The following GPATCH2 variants were observed in gnomAD, a reference collection of about 807,000 sequenced individuals.
GPATCH2 encodes G-patch domain containing 2, also known as G patch domain-containing protein 2.
GPATCH2 carries 51 observed loss-of-function variants against 58.0 expected under a neutral mutation model. The ratio of observed to expected loss-of-function variants is 0.88; its 90% CI spans 0.70 to 1.11. The LOEUF (loss-of-function observed/expected upper bound fraction) is 1.11, where lower values mean the gene tolerates loss of function less well. Ranked by LOEUF, GPATCH2 falls within the 50% of genes most tolerant of loss-of-function variation. The pLI, the probability that GPATCH2 is intolerant of heterozygous loss-of-function variation, is 0.00. For missense variants in GPATCH2, 625 were observed against 652.2 expected, an observed-to-expected ratio of 0.96 and a Z score of 0.45; for synonymous variants, 222 against 218.5, an observed-to-expected ratio of 1.02 and a Z score of -0.14.
At chr1:217,469,831 T>G (rs1002578190) in intron 8 of GPATCH2, among the ~76,000 whole-genome samples, 1 of 152,006 alleles carries the variant, frequency 6.6e-6, no homozygotes, top group Admixed American at 6.6e-5. Flanking sequence ...ATTTAATAGG[T>G]TTTTTCCTGA....
intron 5 of GPATCH2, among the ~76,000 whole-genome samples, chr1:217,539,186 C>T (rs935688798): frequency 5.3e-5 from 8 of 151,878 alleles, no homozygotes; most frequent in Non-Finnish European, 1.2e-4. Flanking sequence ...CAAGTATGAG[C>T]TCGATTCTAA....
intron 5 of GPATCH2, among the ~76,000 whole-genome samples, chr1:217,570,624 T>G (rs906010219): frequency 2.0e-5 from 3 of 152,142 alleles, no homozygotes; most frequent in Admixed American, 6.5e-5. Context: ...AGCTATAAAA[T>G]TTCAAGACAC....
chr1:217,605,284 A>C (rs1306425654), intron 5 of GPATCH2, among the ~76,000 whole-genome samples: 1 of 152,210 alleles, frequency 6.6e-6, no homozygotes, highest in Non-Finnish European at 1.5e-5. Context: ...TATTGTGTTC[A>C]GGGTTTTTGT....
intron 9 of GPATCH2, among the ~76,000 whole-genome samples, chr1:217,445,874 C>G (rs976565600): frequency 6.6e-5 from 10 of 152,106 alleles, no homozygotes; most frequent in African/African-American, 2.4e-4. Flanking sequence ...ATTTTCAATA[C>G]ACTAGCAGGT....
At chr1:217,571,678 G>T (rs1255196929) in intron 5 of GPATCH2, among the ~76,000 whole-genome samples, 1 of 88,884 alleles carries the variant, frequency 1.1e-5, no homozygotes, top group Non-Finnish European at 2.3e-5. Context: ...ACAAAAATTC[G>T]CCCAGCGAAG....
At chr1:217,452,516 T>C (rs1420541296) in intron 8 of GPATCH2, among the ~76,000 whole-genome samples, 1 of 152,216 alleles carries the variant, frequency 6.6e-6, no homozygotes, top group Admixed American at 6.5e-5. Flanking sequence ...ACTAGTTATA[T>C]GTAATTGGAG....
chr1:217,459,660 C>A (rs956465933), intron 8 of GPATCH2, among the ~76,000 whole-genome samples: 4 of 152,176 alleles, frequency 2.6e-5, no homozygotes, highest in Non-Finnish European at 5.9e-5. Context: ...ATCCCACACT[C>A]TCTCTTTGAT....
At chr1:217,446,297 T>C (rs549402757) in intron 9 of GPATCH2, among the ~76,000 whole-genome samples, 1 of 152,256 alleles carries the variant, frequency 6.6e-6, no homozygotes, top group African/African-American at 2.4e-5. Flanking sequence ...AAGAATATTG[T>C]CCTTAGCTAA....
At chr1:217,526,680 T>C (rs757346998) in intron 5 of GPATCH2, among the ~76,000 whole-genome samples, 9 of 152,216 alleles carry the variant, frequency 5.9e-5, no homozygotes, top group Non-Finnish European at 1.0e-4. Context: ...GAAATACTTA[T>C]TAGCTTTACC....
chr1:217,573,825 C>A (rs1666678264), intron 5 of GPATCH2, among the ~76,000 whole-genome samples: 1 of 152,122 alleles, frequency 6.6e-6, no homozygotes, highest in African/African-American at 2.4e-5. Flanking sequence ...GCTAGATGTC[C>A]TTTTCAGAAT....
intron 3 of GPATCH2, among the ~76,000 whole-genome samples, 196 bp from the exon 4 acceptor site, chr1:217,611,267 A>G (rs1553353249): frequency 6.6e-6 from 1 of 152,174 alleles, no homozygotes; most frequent in Non-Finnish European, 1.5e-5. Flanking sequence ...TGCATGGGAC[A>G]TACCTGTACT....
At chr1:217,435,497 G>C (rs1266811934) in intron 9 of GPATCH2, among the ~76,000 whole-genome samples, 1 of 152,166 alleles carries the variant, frequency 6.6e-6, no homozygotes, top group East Asian at 1.9e-4. Context: ...ATTGATGTTG[G>C]ATAAACAGCC....
intron 1 of GPATCH2, among the ~76,000 whole-genome samples, chr1:217,630,679 A>T (rs2102866957): frequency 6.6e-6 from 1 of 152,360 alleles, no homozygotes; most frequent in South Asian, 2.1e-4. Flanking sequence ...CTTGACTTCT[A>T]AAATATTGTT....
chr1:217,507,490 T>C lies in GPATCH2; in HGVS notation c.1166+7332A>G, dbSNP rs926911781. Among the ~76,000 whole-genome samples the C allele has an allele frequency of 2.6e-5, 4 of 152,308 alleles. No individual in the cohort carries two copies. The East Asian group carries it at 7.7e-4, about 29-fold the overall frequency. ...CAGGCTCTGGAACTTACTGGTTAGG[T>C]GAATTCTGACAAATTATTTTATTTT... is the stretch of plus-strand genomic sequence containing the variant. On this transcript the variant is annotated intron_variant, in intron 6 of 9. Coordinates refer to ENST00000366935, the MANE Select transcript of GPATCH2 (RefSeq NM_018040.5).
At chr1:217,569,692 C>T (rs1386064614) in intron 5 of GPATCH2, among the ~76,000 whole-genome samples, 1 of 151,744 alleles carries the variant, frequency 6.6e-6, no homozygotes, top group Non-Finnish European at 1.5e-5. Flanking sequence ...CAAAACTCCG[C>T]CTCAAAAATA....
intron 5 of GPATCH2, among the ~76,000 whole-genome samples, chr1:217,573,680 G>A (rs1439315237): frequency 2.0e-5 from 3 of 152,166 alleles, no homozygotes; most frequent in South Asian, 2.1e-4. Context: ...AACTTTACGA[G>A]TCAGATATTA....
intron 5 of GPATCH2, among the ~76,000 whole-genome samples, chr1:217,551,772 C>T (rs926177751): frequency 1.2e-4 from 18 of 152,064 alleles, no homozygotes; most frequent in African/African-American, 4.3e-4. Flanking sequence ...AAGTACTTAT[C>T]GTTAACCCAG....
At chr1:217,486,276 A>C (rs1198613143) in intron 8 of GPATCH2, among the ~76,000 whole-genome samples, 3 of 152,200 alleles carry the variant, frequency 2.0e-5, no homozygotes, top group Non-Finnish European at 2.9e-5. Flanking sequence ...ATTTTGATTA[A>C]TATTTATCAT....
chr1:217,455,861 G>A (rs1659918094), intron 8 of GPATCH2, among the ~76,000 whole-genome samples: 1 of 151,974 alleles, frequency 6.6e-6, no homozygotes, highest in Non-Finnish European at 1.5e-5. Flanking sequence ...AGCAGACAAG[G>A]AGAAGACAGA....
Sources: gnomAD v4.1 joint callset for allele counts (sites outside exome capture counted in the v4.1 genomes callset) on GRCh38, gnomAD v4.1.1 for gene constraint, MANE v1.5 for transcripts, NCBI Gene and HGNC (gene_info 2026-07-23, HGNC 2026-07-21) for gene names.